THNSL1: variants seen among roughly 807,000 people sequenced by gnomAD.
The protein encoded by THNSL1 is threonine synthase-like 1.
Under a neutral mutation model 50.4 loss-of-function variants are expected in THNSL1, and 48 were observed. The ratio of observed to expected loss-of-function variants is 0.95; its 90% CI spans 0.76 to 1.21. THNSL1 has a LOEUF of 1.21. THNSL1 is among the 50% of genes most tolerant of loss of function. The pLI, the probability that THNSL1 is intolerant of heterozygous loss-of-function variation, is 0.00. For missense variants in THNSL1, 896 were observed against 871.7 expected (o/e 1.03, Z -0.35); for synonymous variants, 309 against 306.1 (o/e 1.01, Z -0.10).
the THNSL1 span, among the ~76,000 whole-genome samples, chr10:25,003,365 C>G: frequency 5.3e-5 from 8 of 151,986 alleles, no homozygotes; most frequent in Non-Finnish European, 1.5e-5. Context: ...CACCGCCATG[C>G]CTGGCTAATT....
the THNSL1 span, among the ~76,000 whole-genome samples, chr10:24,961,811 T>G: frequency 6.6e-6 from 1 of 152,256 alleles, no homozygotes. Flanking sequence ...TTCAGGGTTT[T>G]GGCTCCAACT....
the THNSL1 span, among the ~76,000 whole-genome samples, chr10:24,955,456 T>C: frequency 6.6e-6 from 1 of 152,194 alleles, no homozygotes; most frequent in African/African-American, 2.4e-5. Context: ...ACATCAATTT[T>C]CTCATCCATA....
chr10:24,992,028 A>G, the THNSL1 span, among the ~76,000 whole-genome samples: 1 of 152,150 alleles, frequency 6.6e-6, no homozygotes, highest in African/African-American at 2.4e-5. Context: ...GAATAAGGGA[A>G]TTTTCCCATG....
chr10:24,987,683 C>T, the THNSL1 span, among the ~76,000 whole-genome samples: 1 of 152,176 alleles, frequency 6.6e-6, no homozygotes, highest in African/African-American at 2.4e-5. Flanking sequence ...AAGTAGCCTC[C>T]CTTTGTTACC....
Position 25,024,589 on chromosome 10 carries a change from T to G in THNSL1, c.1366T>G (p.Phe456Val), listed in dbSNP as rs768483452. 1.9e-6 allele frequency: 3 copies of G among 1,614,084 alleles called. No individual in the cohort carries two copies. Among genetic ancestry groups the G allele is most frequent in the Non-Finnish European group, 2.5e-6 (3 of 1,180,034 alleles). The part of the protein sequence containing the change: ...RIFNDSDFTG[F>V]LTVEYGTILS... ...TTTTAATGATTCTGATTTTACTGGC[T>G]TTCTTACTGTGGAATATGGAACAAT... Residue 456 changes from phenylalanine to valine, a missense_variant, in exon 3 of 3, where the codon TTT becomes GTT. By Grantham distance (50) the Phe-to-Val change is conservative. Coordinates refer to ENST00000376356, the MANE Select transcript of THNSL1 (RefSeq NM_024838.5).
chr10:24,981,495 T>C, the THNSL1 span, among the ~76,000 whole-genome samples: 3 of 152,172 alleles, frequency 2.0e-5, no homozygotes, highest in Admixed American at 6.5e-5. Flanking sequence ...AACTTCTAAG[T>C]GGTTCAAACA....
the THNSL1 span, among the ~76,000 whole-genome samples, chr10:24,988,464 T>C: frequency 6.8e-6 from 1 of 146,234 alleles, no homozygotes; most frequent in East Asian, 2.0e-4. Flanking sequence ...TTATATATAA[T>C]TTATTTATAT....
the THNSL1 span, among the ~76,000 whole-genome samples, chr10:24,971,023 C>CA: frequency 1.3e-5 from 2 of 151,646 alleles, no homozygotes; most frequent in Admixed American, 6.6e-5. Context: ...GGCTCTGTCT[C>CA]AAAAAAATAG....
the THNSL1 span, among the ~76,000 whole-genome samples, chr10:24,969,600 G>A: frequency 6.6e-6 from 1 of 152,232 alleles, no homozygotes; most frequent in South Asian, 2.1e-4. Context: ...GTTGGAGGGT[G>A]CCCTTTGTTT....
At chr10:24,963,931 G>T in the THNSL1 span, among the ~76,000 whole-genome samples, 3 of 152,274 alleles carry the variant, frequency 2.0e-5, no homozygotes, top group East Asian at 5.8e-4. Flanking sequence ...TGGGAGCTTA[G>T]AAGATTTTGC....
chr10:24,974,671 G>T, the THNSL1 span, among the ~76,000 whole-genome samples: 1 of 152,132 alleles, frequency 6.6e-6, no homozygotes, highest in African/African-American at 2.4e-5. Context: ...TCATCAGCTT[G>T]CTTGGTTAAT....
At chr10:25,010,605 C>G in the THNSL1 span, among the ~76,000 whole-genome samples, 1 of 151,282 alleles carries the variant, frequency 6.6e-6, no homozygotes, top group Non-Finnish European at 1.5e-5. Flanking sequence ...TACCCCCACC[C>G]CACAACAGTC....
In THNSL1 at chr10:25,025,173, A is replaced by C; in HGVS notation, c.1950A>C (p.Ala650=). ...ACACTGCTGTTGCAAAAGTGGTTGC[A>C]GATAGGGTGCAAGACAAAACTTGCC... The part of the protein sequence containing the change: ...DPHTAVAKVV[A]DRVQDKTCPV... Residue 650 remains alanine, a synonymous_variant, in exon 3 of 3, where the codon GCA becomes GCC. Transcript: ENST00000376356. 6.2e-7 allele frequency: 1 copy of C among 1,614,208 alleles called. No individual in the cohort carries two copies. Among genetic ancestry groups the C allele is most frequent in the Non-Finnish European group, 8.5e-7 (1 of 1,180,034 alleles).
At chr10:24,980,727 G>T in the THNSL1 span, among the ~76,000 whole-genome samples, 1 of 151,950 alleles carries the variant, frequency 6.6e-6, no homozygotes, top group Non-Finnish European at 1.5e-5. Context: ...TTGTTTGTTT[G>T]TTTGTTCAAG....
the THNSL1 span, among the ~76,000 whole-genome samples, chr10:25,009,235 C>A: frequency 6.6e-6 from 1 of 151,484 alleles, no homozygotes; most frequent in South Asian, 2.1e-4. Context: ...TGCATATGTA[C>A]CCTAAACCTT....
chr10:25,016,127 T>A (rs1850565409), upstream of THNSL1: 9 of 1,254,660 alleles, frequency 7.2e-6, no homozygotes, highest in Non-Finnish European at 8.0e-6. Context: ...AACACCCTAT[T>A]TCTCTCCGGA....
chr10:24,978,998 A>C, the THNSL1 span, among the ~76,000 whole-genome samples: 1 of 152,196 alleles, frequency 6.6e-6, no homozygotes, highest in South Asian at 2.1e-4. Context: ...GAAAGAAACT[A>C]ATCCTCCAGA....
chr10:24,989,236 C>A, the THNSL1 span, among the ~76,000 whole-genome samples: 1 of 152,154 alleles, frequency 6.6e-6, no homozygotes, highest in South Asian at 2.1e-4. Context: ...AAATGACATG[C>A]CAATTCTCAC....
In THNSL1 at chr10:25,023,684, T is replaced by C. The variant is rs35827877; in HGVS notation, c.461T>C (p.Leu154Pro). Residue 154 changes from leucine (L) to proline (P), a missense_variant, in exon 3 of 3, where the codon CTG becomes CCG. Leu to Pro is a moderately conservative substitution (Grantham distance 98). Transcript: ENST00000376356. ...AAGAAAAATGGAATAATTGTATACC[T>C]GGATGTACCTCTACTAGATCTAATT... is the stretch of plus-strand genomic sequence containing the variant. ...HLKKNGIIVY[L>P]DVPLLDLICR... The C allele has an allele frequency of 1.9e-6, 3 of 1,614,088 alleles. No individual in the cohort carries two copies. The highest frequency in any genetic ancestry group is 2.5e-6 in the Non-Finnish European group (3 of 1,180,012).
Sources: allele counts gnomAD v4.1 joint callset (sites outside exome capture counted in the v4.1 genomes callset), GRCh38; gene constraint gnomAD v4.1.1; transcripts MANE v1.5; gene names NCBI Gene and HGNC (gene_info 2026-07-23, HGNC 2026-07-21).